Variants in LRP6 observed in about 807,000 individuals in gnomAD.
LRP6 encodes the protein LDL receptor related protein 6, also known as low-density lipoprotein receptor-related protein 6.
LRP6 carries 43 observed loss-of-function variants against 184.1 expected under a neutral mutation model. That is an observed-to-expected ratio of 0.23 (90% CI 0.18 to 0.30). The LOEUF is 0.30. LRP6 is among the 10% of genes least tolerant of loss of function. The pLI, the probability that LRP6 is intolerant of heterozygous loss-of-function variation, is 1.00. For synonymous variants in LRP6, 719 were observed against 684.9 expected, an observed-to-expected ratio of 1.05 and a Z score of -0.78; for missense variants, 1,571 against 2,005.3, an observed-to-expected ratio of 0.78 and a Z score of 4.14.
chr12:12,155,461 T>C lies in LRP6; in HGVS notation c.2791+3368A>G, dbSNP rs1156662136. ...GCAAAACTGGAAGGGTCTACAATGT[T>C]ACCCAGCATGCTGTTGGCATTGTTG... is the stretch of plus-strand genomic sequence containing the variant. On this transcript the variant is annotated intron_variant, in intron 12 of 22. Coordinates refer to ENST00000261349, the MANE Select transcript of LRP6 (RefSeq NM_002336.3). 4 of 963,216 alleles carry C rather than the reference T, an allele frequency of 4.2e-6. No homozygotes were observed. In the African/African-American group the frequency reaches 4.8e-5, roughly 12 times the overall value. The allele number at this position is 963,216 out of a possible 1,614,324, so 59.7% of individuals were successfully genotyped here. A position where few individuals can be genotyped will look rare whatever the true frequency, so the allele number is the denominator to read the frequency against.
At position 12,121,101 on chromosome 12, in the gene LRP6, GCAGT is replaced by G. The variant is rs772957405; in HGVS notation, c.*21_*24del. ...TTATATTTACATTTTTACGTTGGAG[GCAGT>G]CAGAGGAGGAGGGCCCCTCCTCAGG... On this transcript the variant is annotated 3_prime_UTR_variant, in exon 23 of 23. Coordinates refer to ENST00000261349, the MANE Select transcript of LRP6 (RefSeq NM_002336.3). 1 of 1,561,050 alleles carries G rather than the reference GCAGT, an allele frequency of 6.4e-7. No homozygotes were observed. Among genetic ancestry groups the G allele is most frequent in the East Asian group, 2.3e-5 (1 of 44,238 alleles).
At chr12:12,265,558 C>G (rs1230709632) in intron 1 of LRP6, among the ~76,000 whole-genome samples, 1 of 152,042 alleles carries the variant, frequency 6.6e-6, no homozygotes, top group African/African-American at 2.4e-5. Context: ...TTGTTAACAC[C>G]TAAAAATCTC....
chr12:12,248,471 CTTTTTTTTTTTTTT>C (rs71061030), intron 1 of LRP6, among the ~76,000 whole-genome samples: 3 of 62,760 alleles, frequency 4.8e-5, no homozygotes, highest in South Asian at 9.5e-4. Context: ...AGTCTTTACT[CTTTTTTTTTTTTTT>C]TTTTTTTTTT....
At chr12:12,227,525 A>C (rs1464891841) in intron 2 of LRP6, among the ~76,000 whole-genome samples, 1 of 151,476 alleles carries the variant, frequency 6.6e-6, no homozygotes, top group Non-Finnish European at 1.5e-5. Flanking sequence ...TTCCTGCCTC[A>C]GTCTCCCGAG....
intron 2 of LRP6, among the ~76,000 whole-genome samples, chr12:12,213,977 T>C (rs1233946229): frequency 6.6e-6 from 1 of 152,142 alleles, no homozygotes; most frequent in Non-Finnish European, 1.5e-5. Context: ...AAAAGTGTCT[T>C]TCCTACTGGC....
In LRP6 at chr12:12,170,504, C is replaced by T. The variant is rs114818369; in HGVS notation, c.1546-5209G>A. Among the ~76,000 whole-genome samples the T allele has an allele frequency of 8.4e-3, 1,272 of 151,674 alleles. 24 individuals are homozygous for T. Among genetic ancestry groups the T allele is most frequent in the African/African-American group, 0.03 (1,229 of 41,312 alleles). On this transcript the variant is annotated intron_variant, in intron 7 of 22. Transcript: ENST00000261349. ...ATGTGTTTTACAATTAAAGTACATCCTAATTCAACCTAGGCACATTTTAAG... is the reference window on the plus strand; with the variant it reads ...ATGTGTTTTACAATTAAAGTACATCTTAATTCAACCTAGGCACATTTTAAG...
chr12:12,129,556 T>A (rs1415729564), intron 19 of LRP6, among the ~76,000 whole-genome samples: 2 of 152,030 alleles, frequency 1.3e-5, no homozygotes, highest in African/African-American at 4.8e-5. Flanking sequence ...CCCAGTCTTT[T>A]TTTTCTTTTT....
Position 12,130,849 on chromosome 12 carries a change from T to G in LRP6, c.4015A>C (p.Ile1339Leu), listed in dbSNP as rs1339373199. 11 of 1,613,406 alleles carry G rather than the reference T, an allele frequency of 6.8e-6. No homozygotes were observed. Among genetic ancestry groups the G allele is most frequent in the Non-Finnish European group, 9.3e-6 (11 of 1,179,336 alleles). The change falls in exon 19 of 23, where the codon ATT becomes CTT. Residue 1339 changes from isoleucine (I) to leucine (L), a missense_variant. Ile to Leu is a conservative substitution (Grantham distance 5, BLOSUM62 2). Around this residue, in one of 4 missense-constraint regions of LRP6, gnomAD observed 763 missense variants for 859.5 expected, o/e 0.89. Transcript: ENST00000261349. ...TGATCACACTTCTTGTGCTTTCCAA[T>G]GCACTGACCATTGGCACAGCGGAAC... Reference protein sequence around the residue: ...DQFRCANGQCIGKHKKCDHNV... With the variant: ...DQFRCANGQCLGKHKKCDHNV...
At chr12:12,253,730 G>A (rs903427710) in intron 1 of LRP6, among the ~76,000 whole-genome samples, 1 of 152,016 alleles carries the variant, frequency 6.6e-6, no homozygotes, top group Non-Finnish European at 1.5e-5. Flanking sequence ...ATCAGTAATA[G>A]GTTAATCATC....
At chr12:12,177,408 T>A (rs1478841630) in intron 7 of LRP6, among the ~76,000 whole-genome samples, 1 of 152,186 alleles carries the variant, frequency 6.6e-6, no homozygotes, top group Admixed American at 6.5e-5. Flanking sequence ...TACATCTTTG[T>A]AAAAGTTTTC....
chr12:12,216,550 A>G (rs1864349748), intron 2 of LRP6, among the ~76,000 whole-genome samples: 1 of 151,646 alleles, frequency 6.6e-6, no homozygotes, highest in Non-Finnish European at 1.5e-5. Flanking sequence ...ATGACTCAGG[A>G]TTTTTAGTTT....
chr12:12,146,464 G>A (rs2136908100), intron 15 of LRP6, among the ~76,000 whole-genome samples: 1 of 152,204 alleles, frequency 6.6e-6, no homozygotes, highest in East Asian at 1.9e-4. Flanking sequence ...CAGACTATAT[G>A]GACATCAGAA....
intron 11 of LRP6, 67 bp from the exon 12 acceptor site, chr12:12,159,222 T>C: frequency 4.1e-6 from 5 of 1,229,204 alleles, no homozygotes; most frequent in Non-Finnish European, 5.9e-6. Context: ...TACAAGTGTC[T>C]TGCTGGCAAA....
intron 2 of LRP6, among the ~76,000 whole-genome samples, chr12:12,233,573 G>C (rs1389923191): frequency 2.6e-5 from 4 of 152,168 alleles, no homozygotes; most frequent in African/African-American, 9.7e-5. Context: ...GATAAAAAGG[G>C]AAAGGGGGAG....
chr12:12,224,306 A>C (rs1317344968), intron 2 of LRP6, among the ~76,000 whole-genome samples: 2 of 152,156 alleles, frequency 1.3e-5, no homozygotes, highest in African/African-American at 4.8e-5. Flanking sequence ...AACATCTTAC[A>C]AACAATTTTA....
chr12:12,188,556 C>T lies in LRP6; in HGVS notation c.648-1437G>A, dbSNP rs16907821. Among the ~76,000 whole-genome samples the T allele has an allele frequency of 3.1e-3, 473 of 152,262 alleles. 4 individuals carry two copies. Among genetic ancestry groups the T allele is most frequent in the African/African-American group, 0.011 (447 of 41,542 alleles). Reference sequence around the variant, plus strand: ...TTAAAAGCAATTAAGGTCATTTTTACGTGTAAGCAGGATTACCGTCTGTGA... The same window carrying T: ...TTAAAAGCAATTAAGGTCATTTTTATGTGTAAGCAGGATTACCGTCTGTGA... On this transcript the variant is annotated intron_variant, in intron 3 of 22. Coordinates refer to ENST00000261349, the MANE Select transcript of LRP6 (RefSeq NM_002336.3).
chr12:12,149,213 A>C, intron 13 of LRP6, 60 bp from the exon 14 acceptor site: 1 of 1,276,576 alleles, frequency 7.8e-7, no homozygotes, highest in Non-Finnish European at 1.1e-6. Flanking sequence ...CCCTGAGGCA[A>C]TCAGTCACAA....
intron 1 of LRP6, among the ~76,000 whole-genome samples, chr12:12,262,292 T>C (rs1025822650): frequency 2.0e-5 from 3 of 152,088 alleles, no homozygotes; most frequent in East Asian, 3.9e-4. Context: ...AACAGGAGAA[T>C]TGCTTGAACC....
intron 2 of LRP6, among the ~76,000 whole-genome samples, chr12:12,216,989 T>C (rs1322417030): frequency 6.6e-6 from 1 of 152,198 alleles, no homozygotes; most frequent in Non-Finnish European, 1.5e-5. Flanking sequence ...GTATCCTGCC[T>C]ATTGCTACCA....
Sources: allele counts gnomAD v4.1 joint callset (sites outside exome capture counted in the v4.1 genomes callset), GRCh38; gene constraint gnomAD v4.1.1; regional missense constraint gnomAD v4.1.1; transcripts MANE v1.5; gene names NCBI Gene and HGNC (gene_info 2026-07-23, HGNC 2026-07-21).